ELAPOR1: variants seen among roughly 807,000 people sequenced by gnomAD.
ELAPOR1 encodes the protein endosome/lysosome-associated apoptosis and autophagy regulator 1.
In ELAPOR1, 77 loss-of-function variants were observed where a neutral mutation model predicts 119.7. The observed-to-expected ratio is 0.64, with a 90% CI of 0.54 to 0.78. The LOEUF (loss-of-function observed/expected upper bound fraction) is 0.78, where lower values mean the gene tolerates loss of function less well. Among genes scored for constraint, ELAPOR1 ranks in the 30% least tolerant of loss-of-function variants. ELAPOR1 has a pLI of 0.00. For synonymous variants in ELAPOR1, 481 were observed against 487.2 expected (o/e 0.99, Z 0.17); for missense variants, 1,115 against 1,270.4 (o/e 0.88, Z 1.86).
intron 1 of ELAPOR1, among the ~76,000 whole-genome samples, chr1:109,160,582 G>T (rs6679586): frequency 0.062 from 9,422 of 152,158 alleles, 945 homozygotes; most frequent in African/African-American, 0.21. Context: ...TGATCCTGAC[G>T]CATTATTAGA....
chr1:109,189,016 T>G, intron 9 of ELAPOR1, 50 bp from the exon 10 acceptor site: 1 of 1,600,342 alleles, frequency 6.2e-7, no homozygotes, highest in Non-Finnish European at 8.5e-7. Context: ...CCAGTCAGAG[T>G]GACTGCAGCC....
chr1:109,188,000 G>T, intron 8 of ELAPOR1, 177 bp from the exon 9 acceptor site: 1 of 1,368,250 alleles, frequency 7.3e-7, no homozygotes, highest in Non-Finnish European at 9.5e-7. Context: ...CCATGACTCA[G>T]GCACTGGGCT....
chr1:109,146,850 C>T (rs891688755), intron 1 of ELAPOR1, among the ~76,000 whole-genome samples: 1 of 152,068 alleles, frequency 6.6e-6, no homozygotes, highest in Non-Finnish European at 1.5e-5. Flanking sequence ...AGTGATCTTC[C>T]TGCCTCAGCC....
chr1:109,144,061 A>ATATATATATTTTTTTTT, intron 1 of ELAPOR1, among the ~76,000 whole-genome samples: 5 of 88,988 alleles, frequency 5.6e-5, no homozygotes, highest in Admixed American at 1.3e-4. Context: ...ATATTTATAT[A>ATATATATATTTTTTTTT]TTTTTTTTTT....
At chr1:109,202,800 G>A in intron 21 of ELAPOR1, 144 bp from the exon 22 acceptor site, 1 of 801,532 alleles carries the variant, frequency 1.2e-6, no homozygotes, top group Non-Finnish European at 2.2e-6. Flanking sequence ...CAGAATAGAG[G>A]GTATCTCATT....
At chr1:109,123,015 C>A (rs1455043797) in intron 1 of ELAPOR1, among the ~76,000 whole-genome samples, 1 of 152,164 alleles carries the variant, frequency 6.6e-6, no homozygotes, top group African/African-American at 2.4e-5. Context: ...TTAAACAGGA[C>A]CCCTTGTTTA....
chr1:109,202,976 G>A lies in ELAPOR1; in HGVS notation c.3006G>A (p.Leu1002=), dbSNP rs1222931505. ...RTPDGFDSVP[L]KTSSGGLDMD... is the part of the protein sequence containing the mutation. ...CTGATGGATTTGACTCAGTGCCGCT[G>A]AAGACATCCTCAGGAGGCCTAGACA... The change falls in exon 22 of 22, where the codon CTG becomes CTA. Residue 1002 remains leucine, a synonymous_variant. Transcript: ENST00000369939. 9.3e-6 allele frequency: 15 copies of A among 1,613,636 alleles called. No individual in the cohort carries two copies. The highest frequency in any genetic ancestry group is 2.2e-5 in the South Asian group (2 of 90,922).
intron 1 of ELAPOR1, among the ~76,000 whole-genome samples, chr1:109,117,766 GT>G (rs1221294935): frequency 1.3e-5 from 2 of 152,138 alleles, no homozygotes; most frequent in Non-Finnish European, 2.9e-5. Context: ...TATAAATGAC[GT>G]CATAAGATTA....
chr1:109,201,168 C>T (rs1654152302), intron 21 of ELAPOR1, among the ~76,000 whole-genome samples: 1 of 152,224 alleles, frequency 6.6e-6, no homozygotes. Flanking sequence ...GGCCTTTTCA[C>T]TTCCAGAAGG....
chr1:109,153,095 G>T (rs1391267620), intron 1 of ELAPOR1, among the ~76,000 whole-genome samples: 4 of 151,924 alleles, frequency 2.6e-5, no homozygotes. Context: ...TTGAAGTTGG[G>T]CAATGAGATG....
At chr1:109,129,529 A>G (rs953421878) in intron 1 of ELAPOR1, among the ~76,000 whole-genome samples, 2 of 152,100 alleles carry the variant, frequency 1.3e-5, no homozygotes, top group Non-Finnish European at 2.9e-5. Flanking sequence ...CCAACGAAAC[A>G]AAACAAAACA....
intron 1 of ELAPOR1, among the ~76,000 whole-genome samples, chr1:109,120,832 A>G (rs1335223531): frequency 6.6e-6 from 1 of 152,194 alleles, no homozygotes; most frequent in African/African-American, 2.4e-5. Context: ...AACTGGACAG[A>G]TGAATTCTCA....
chr1:109,144,051 A>ATTTT (rs1558029107), intron 1 of ELAPOR1, among the ~76,000 whole-genome samples: 3 of 42,216 alleles, frequency 7.1e-5, no homozygotes, highest in African/African-American at 2.2e-4. Context: ...ATATATATAT[A>ATTTT]TATTTATATA....
intron 3 of ELAPOR1, among the ~76,000 whole-genome samples, chr1:109,171,367 G>A (rs574766909): frequency 1.2e-4 from 18 of 152,130 alleles, no homozygotes; most frequent in Non-Finnish European, 2.5e-4. Flanking sequence ...GGCCAACATG[G>A]TGAAAACCTG....
rs566172167 is a variant in ELAPOR1 at position 109,144,207 on chromosome 1, G to A, written c.154-17687G>A. Among the ~76,000 whole-genome samples the A allele has an allele frequency of 2.4e-3, 362 of 150,268 alleles. 1 individual carries two copies. Among genetic ancestry groups the A allele is most frequent in the Middle Eastern group, 0.01 (3 of 292 alleles). The stretch of plus-strand genomic sequence containing the variant: ...CTCGAGTAGCTGGGATTACAGGCAT[G>A]TGCCACCATGCCCGGCTAATTTTTT... On this transcript the variant is annotated intron_variant, in intron 1 of 21. Transcript: ENST00000369939.
At chr1:109,197,794 T>C (rs1653921082) in intron 16 of ELAPOR1, 140 bp downstream of exon 16, 1 of 1,077,112 alleles carries the variant, frequency 9.3e-7, no homozygotes. Context: ...ACCTGTGTTT[T>C]CTATTCCACT....
rs1653297104 is a variant in ELAPOR1, at chr1:109,189,618, T to C, written c.1375T>C (p.Tyr459His). The change falls in exon 11 of 22, where the codon TAC becomes CAC. Residue 459 changes from tyrosine (Y) to histidine (H), a missense_variant. By Grantham distance (83) the Tyr-to-His change is moderately conservative. Transcript: ENST00000369939. ...CTGGGAGGTGGCTGGTGATCACATT[T>C]ACACAGCTGCTGGAGCCTCAGACAA... ...TGWEVAGDHI[Y>H]TAAGASDNDF... The C allele has an allele frequency of 6.2e-7, 1 of 1,614,140 alleles. No individual in the cohort carries two copies. Among genetic ancestry groups the C allele is most frequent in the Non-Finnish European group, 8.5e-7 (1 of 1,180,012 alleles).
Position 109,206,433 on chromosome 1 carries a change from C to T in ELAPOR1, c.*3421C>T, listed in dbSNP as rs1654499178. The T allele has an allele frequency of 6.6e-6, 1 of 152,156 alleles. No homozygotes were observed. The highest frequency in any genetic ancestry group is 1.5e-5 in the Non-Finnish European group (1 of 68,038). 9.4% of individuals were successfully genotyped at this position (152,156 alleles called of 1,614,324 possible). A position where few individuals can be genotyped will look rare whatever the true frequency, so the allele number is the denominator to read the frequency against. On this transcript the variant is annotated 3_prime_UTR_variant, in exon 22 of 22. Coordinates refer to ENST00000369939, the MANE Select transcript of ELAPOR1 (RefSeq NM_020775.5). ...AAATGTTTAAATCTCATTTGGTTAC[C>T]TTGAGTCCTGGAACATGCAGTAACT...
chr1:109,176,544 A>C (rs1652295066), intron 7 of ELAPOR1, among the ~76,000 whole-genome samples: 1 of 152,028 alleles, frequency 6.6e-6, no homozygotes, highest in Non-Finnish European at 1.5e-5. Context: ...CACTATTCCT[A>C]AAACAAAAGT....
Sources: gnomAD v4.1 joint callset for allele counts (sites outside exome capture counted in the v4.1 genomes callset) on GRCh38, gnomAD v4.1.1 for gene constraint, MANE v1.5 for transcripts, NCBI Gene and HGNC (gene_info 2026-07-23, HGNC 2026-07-21) for gene names.